SMC5: variants seen among roughly 807,000 people sequenced by gnomAD.
The protein encoded by SMC5 is structural maintenance of chromosomes protein 5.
SMC5 carries 88 observed loss-of-function variants against 148.3 expected under a neutral mutation model. The observed-to-expected ratio is 0.59, with a 90% confidence interval of 0.50 to 0.71. SMC5 has a LOEUF of 0.71. Ranked by LOEUF, SMC5 falls within the 30% of genes least tolerant of loss-of-function variation. SMC5 has a pLI of 0.00. For missense variants in SMC5, 1,142 were observed against 1,298.9 expected, an observed-to-expected ratio of 0.88 and a Z score of 1.86; for synonymous variants, 421 against 432.8, an observed-to-expected ratio of 0.97 and a Z score of 0.34.
At chr9:70,346,799 A>T (rs1437532308) in intron 19 of SMC5, 150 bp downstream of exon 19, 1 of 840,340 alleles carries the variant, frequency 1.2e-6, no homozygotes, top group Non-Finnish European at 1.9e-6. Flanking sequence ...CTTTTCTCTA[A>T]ATTCCTAGCC....
At chr9:70,326,443 A>G (rs1321018306) in intron 17 of SMC5, among the ~76,000 whole-genome samples, 2 of 152,114 alleles carry the variant, frequency 1.3e-5, no homozygotes, top group Non-Finnish European at 2.9e-5. Flanking sequence ...TAAATATCTC[A>G]ATATGCTGCT....
chr9:70,330,572 C>CA (rs1406642238), intron 17 of SMC5, among the ~76,000 whole-genome samples: 3 of 123,204 alleles, frequency 2.4e-5, no homozygotes, highest in Admixed American at 1.9e-4. Context: ...TTTTTCAAGA[C>CA]AGAGTCTTCA....
intron 9 of SMC5, among the ~76,000 whole-genome samples, chr9:70,299,600 A>C (rs1329495054): frequency 1.3e-5 from 2 of 151,938 alleles, no homozygotes; most frequent in Non-Finnish European, 2.9e-5. Context: ...CTAAGAAGAG[A>C]TATTTAGGAA....
At chr9:70,323,704 T>G in intron 16 of SMC5, 98 bp downstream of exon 16, 1 of 1,328,984 alleles carries the variant, frequency 7.5e-7, no homozygotes, top group Non-Finnish European at 1.0e-6. Flanking sequence ...GATTAAGGTT[T>G]TTGACATTTT....
chr9:70,289,097 G>A (rs2034987435), intron 8 of SMC5, among the ~76,000 whole-genome samples: 1 of 152,114 alleles, frequency 6.6e-6, no homozygotes, highest in Non-Finnish European at 1.5e-5. Context: ...GAGTGCAGTG[G>A]AGCAGTCTTG....
chr9:70,295,279 C>T (rs184314341), intron 8 of SMC5, among the ~76,000 whole-genome samples: 7 of 147,526 alleles, frequency 4.7e-5, no homozygotes, highest in Non-Finnish European at 1.0e-4. Flanking sequence ...TCCTGGCCAA[C>T]ACAGTGAAAC....
rs377339585 is a variant in SMC5, at chr9:70,318,935, G to C, written c.2122G>C (p.Glu708Gln). ...LERKTKKRQL[E>Q]QKISSKLGSL... ...GAGAAAAACCAAGAAAAGACAACTGGAACAAAAAATCAGTTCCAAACTAGG... is the reference window on the plus strand; with the variant it reads ...GAGAAAAACCAAGAAAAGACAACTGCAACAAAAAATCAGTTCCAAACTAGG... The change falls in exon 15 of 25, where the codon GAA becomes CAA. Residue 708 changes from glutamate (E) to glutamine (Q), a missense_variant. Physicochemically the swap from Glu to Gln is conservative, Grantham distance 29. Coordinates refer to ENST00000361138, the MANE Select transcript of SMC5 (RefSeq NM_015110.4). 2 of 1,607,434 alleles carry C rather than the reference G, an allele frequency of 1.2e-6. No individual in the cohort carries two copies. The highest frequency in any genetic ancestry group is 1.3e-5 in the African/African-American group (1 of 74,220).
At chr9:70,346,468 A>T in intron 18 of SMC5, 137 bp from the exon 19 acceptor site, 1 of 850,702 alleles carries the variant, frequency 1.2e-6, no homozygotes, top group South Asian at 1.6e-5. Flanking sequence ...AGAAGATAGT[A>T]CTGTGGTGAA....
rs2035345139 is a variant in SMC5, at chr9:70,301,043, C to A, written c.1464+843C>A. ...AATTTTTTACCATATCTTAAATTAG[C>A]AAAGTTAATATTCATAACATTCTCT... On this transcript the variant is annotated intron_variant, in intron 10 of 24. Transcript: ENST00000361138. Among the ~76,000 whole-genome samples, 5 of 151,988 alleles carry A rather than the reference C, an allele frequency of 3.3e-5. No homozygotes were observed. The South Asian group carries it at 1.0e-3, about 32-fold the overall frequency.
At chr9:70,281,624 C>T (rs1181914604) in intron 6 of SMC5, among the ~76,000 whole-genome samples, 1 of 152,074 alleles carries the variant, frequency 6.6e-6, no homozygotes, top group Admixed American at 6.5e-5. Context: ...AGTGTTTGTT[C>T]CAAGGTTAGA....
At chr9:70,279,296 G>A (rs552491648) in intron 5 of SMC5, among the ~76,000 whole-genome samples, 13 of 151,668 alleles carry the variant, frequency 8.6e-5, no homozygotes, top group African/African-American at 2.7e-4. Context: ...CGGGAGAATC[G>A]CTTGAGTTCA....
chr9:70,271,434 A>G (rs1312415122), intron 3 of SMC5, among the ~76,000 whole-genome samples: 1 of 152,220 alleles, frequency 6.6e-6, no homozygotes, highest in African/African-American at 2.4e-5. Flanking sequence ...CCATTAAACA[A>G]GTATACTAAC....
At chr9:70,348,266 C>T (rs1402794315) in intron 22 of SMC5, among the ~76,000 whole-genome samples, 1 of 151,988 alleles carries the variant, frequency 6.6e-6, no homozygotes, top group Non-Finnish European at 1.5e-5. Context: ...TCTTTTTATA[C>T]ATCTGAGTAA....
chr9:70,277,811 T>C (rs906161605), intron 4 of SMC5, among the ~76,000 whole-genome samples: 2 of 152,142 alleles, frequency 1.3e-5, no homozygotes, highest in South Asian at 2.1e-4. Context: ...GTATACATTA[T>C]ACATATATTT....
chr9:70,327,772 A>G (rs1156938478), intron 17 of SMC5, among the ~76,000 whole-genome samples: 1 of 152,196 alleles, frequency 6.6e-6, no homozygotes, highest in Admixed American at 6.5e-5. Context: ...ATGTACCCTA[A>G]TGAAAGGACA....
chr9:70,261,564 C>T (rs2034136189), intron 1 of SMC5, among the ~76,000 whole-genome samples: 2 of 152,146 alleles, frequency 1.3e-5, no homozygotes, highest in Admixed American at 6.5e-5. Context: ...TCCTTTGTGG[C>T]ATCTAAGAGA....
intron 17 of SMC5, among the ~76,000 whole-genome samples, chr9:70,333,079 G>A (rs561945769): frequency 2.4e-4 from 37 of 152,080 alleles, no homozygotes; most frequent in African/African-American, 7.7e-4. Context: ...AGTCAGTGCA[G>A]TAAGGCTAGA....
chr9:70,279,837 A>T (rs987361984), intron 5 of SMC5, among the ~76,000 whole-genome samples: 5 of 151,576 alleles, frequency 3.3e-5, no homozygotes, highest in African/African-American at 1.2e-4. Flanking sequence ...AAAAAAAAAA[A>T]AGGAAATCTG....
At chr9:70,308,260 G>A (rs531080862) in intron 11 of SMC5, among the ~76,000 whole-genome samples, 8 of 152,098 alleles carry the variant, frequency 5.3e-5, no homozygotes, top group African/African-American at 1.9e-4. Flanking sequence ...CTTACCATCA[G>A]TATATTTAGT....
Sources: allele counts gnomAD v4.1 joint callset (sites outside exome capture counted in the v4.1 genomes callset), GRCh38; gene constraint gnomAD v4.1.1; transcripts MANE v1.5; gene names NCBI Gene and HGNC (gene_info 2026-07-23, HGNC 2026-07-21).